Variants in PCDHA8 observed in about 807,000 individuals in gnomAD.
The protein encoded by PCDHA8 is protocadherin alpha 8, also known as protocadherin alpha-8.
In PCDHA8, 53 loss-of-function variants were observed where a neutral mutation model predicts 61.8. The ratio of observed to expected loss-of-function variants is 0.86; its 90% CI spans 0.69 to 1.08. The LOEUF is 1.08. Among genes scored for constraint, PCDHA8 ranks in the 50% least tolerant of loss-of-function variants. The pLI, the probability that PCDHA8 is intolerant of heterozygous loss-of-function variation, is 0.00. For synonymous variants in PCDHA8, 618 were observed against 556.6 expected (o/e 1.11, Z -1.55); for missense variants, 1,293 against 1,245.0 (o/e 1.04, Z -0.58).
At chr5:140,972,983 AGATTCTGTGCATTTGT>A (rs1169514447) in intron 1 of PCDHA8, among the ~76,000 whole-genome samples, 1 of 152,102 alleles carries the variant, frequency 6.6e-6, no homozygotes, top group Admixed American at 6.6e-5. Flanking sequence ...ATCTTAAGGT[AGATTCTGTGCATTTGT>A]GGTCGTGGTG....
At chr5:140,955,684 G>A (rs1231376434) in intron 1 of PCDHA8, among the ~76,000 whole-genome samples, 2 of 152,156 alleles carry the variant, frequency 1.3e-5, no homozygotes, top group African/African-American at 4.8e-5. Flanking sequence ...TTCGAAATCT[G>A]TGATGAATGT....
At position 140,976,656 on chromosome 5, in the gene PCDHA8, C is replaced by T. The variant is rs551402825; in HGVS notation, c.2395-2293C>T. ...AATCAGACAAGTAATTTAATCTCTC[C>T]AAAGTTCAGATGTCTCATTTTTGCA... is the stretch of plus-strand genomic sequence containing the variant. On this transcript the variant is annotated intron_variant, in intron 1 of 3. Transcript: ENST00000531613. Among the ~76,000 whole-genome samples the T allele has an allele frequency of 3.3e-5, 5 of 152,272 alleles. No homozygotes were observed. The South Asian group carries it at 1.0e-3, about 32-fold the overall frequency.
chr5:141,011,084 C>A lies in PCDHA8; in HGVS notation c.*1147C>A, dbSNP rs928216799. Reference sequence around the variant, plus strand: ...CATGTATTACTAAATAAAATGATCTCTCTTTCTCTCTCTCTCTCTCTTTTC... The same window carrying A: ...CATGTATTACTAAATAAAATGATCTATCTTTCTCTCTCTCTCTCTCTTTTC... On this transcript the variant is annotated 3_prime_UTR_variant, in exon 4 of 4. Transcript: ENST00000531613. 1.3e-5 allele frequency: 2 copies of A among 153,722 alleles called. No individual in the cohort carries two copies. The highest frequency in any genetic ancestry group is 2.9e-5 in the Non-Finnish European group (2 of 68,048). The allele number at this position is 153,722 out of a possible 1,614,324, so 9.5% of individuals were successfully genotyped here.
At chr5:140,922,815 C>G (rs2081002299) in intron 1 of PCDHA8, among the ~76,000 whole-genome samples, 2 of 152,158 alleles carry the variant, frequency 1.3e-5, no homozygotes, top group Non-Finnish European at 2.9e-5. Context: ...AAAGGAGATA[C>G]AGCATACTGC....
At chr5:140,966,470 T>G (rs782674249) in intron 1 of PCDHA8, 26 of 431,180 alleles carry the variant, frequency 6.0e-5, no homozygotes, top group Non-Finnish European at 9.3e-5. Context: ...TCTTCCCTTC[T>G]GTTTCCTTTT....
intron 1 of PCDHA8, chr5:140,848,665 C>A (rs1428126460): frequency 4.4e-6 from 7 of 1,592,108 alleles, no homozygotes; most frequent in Non-Finnish European, 5.2e-6. Flanking sequence ...CTGGAGCTGG[C>A]GGAGCTGGTG....
At chr5:140,903,608 C>G (rs2070424862) in intron 1 of PCDHA8, among the ~76,000 whole-genome samples, 1 of 152,124 alleles carries the variant, frequency 6.6e-6, no homozygotes, top group African/African-American at 2.4e-5. Flanking sequence ...GCTTAATACA[C>G]ATGAATGTGC....
intron 1 of PCDHA8, chr5:140,850,823 TTC>T (rs1310925868): frequency 6.3e-7 from 1 of 1,598,142 alleles, no homozygotes; most frequent in African/African-American, 1.3e-5. Flanking sequence ...GCCCGGGCCT[TTC>T]TCCTTGTGCT....
intron 1 of PCDHA8, chr5:140,969,200 G>C (rs2096305926): frequency 1.2e-6 from 2 of 1,614,132 alleles, no homozygotes; most frequent in Non-Finnish European, 1.7e-6. Flanking sequence ...TTACAATACA[G>C]GGGCCCAGAC....
intron 1 of PCDHA8, among the ~76,000 whole-genome samples, chr5:140,923,228 C>A (rs2338302): frequency 1.4e-5 from 1 of 71,808 alleles, no homozygotes; most frequent in South Asian, 4.8e-4. Context: ...TCGTTTGAGC[C>A]CAGAAGTTTG....
chr5:140,862,714 G>C, intron 1 of PCDHA8: 1 of 562,754 alleles, frequency 1.8e-6, no homozygotes, highest in South Asian at 1.4e-5. Flanking sequence ...GCGGGTGGGC[G>C]AGTGCGCGCT....
chr5:140,971,019 G>A (rs908442935), intron 1 of PCDHA8, among the ~76,000 whole-genome samples: 2 of 152,174 alleles, frequency 1.3e-5, no homozygotes, highest in African/African-American at 2.4e-5. Flanking sequence ...TCTTTAGATC[G>A]TAGCATTTGA....
chr5:140,862,813 T>C lies in PCDHA8; in HGVS notation c.2394+19098T>C. 2 of 571,594 alleles carry C rather than the reference T, an allele frequency of 3.5e-6. 1 individual carries two copies. Among genetic ancestry groups the C allele is most frequent in the Non-Finnish European group, 6.7e-6 (2 of 297,160 alleles). The allele number at this position is 571,594 out of a possible 1,614,324, so 35.4% of individuals were successfully genotyped here. On this transcript the variant is annotated intron_variant, in intron 1 of 3. Coordinates refer to ENST00000531613, the MANE Select transcript of PCDHA8 (RefSeq NM_018911.3). ...CGAGGAGCTGGAGCTGCTGCAGTTC[T>C]AGGTGAGAGCGCGCGACGCGGGCAT... is the stretch of plus-strand genomic sequence containing the variant.
chr5:140,923,527 C>T (rs2081405445), intron 1 of PCDHA8, among the ~76,000 whole-genome samples: 1 of 151,652 alleles, frequency 6.6e-6, no homozygotes, highest in South Asian at 2.1e-4. Context: ...AGATTCTGTC[C>T]CAAAAAAAGG....
intron 1 of PCDHA8, among the ~76,000 whole-genome samples, chr5:140,942,118 A>C (rs554488765): frequency 1.3e-5 from 2 of 152,360 alleles, no homozygotes; most frequent in East Asian, 3.9e-4. Flanking sequence ...AAACTTTATT[A>C]AAGGTGATAT....
chr5:140,875,352 T>C lies in PCDHA8; in HGVS notation c.2394+31637T>C, dbSNP rs563345056. ...AATAGGATCGACTCCATAATGACTGTGATGCTGGAAAAAATTTACTAAATA... is the reference window on the plus strand; with the variant it reads ...AATAGGATCGACTCCATAATGACTGCGATGCTGGAAAAAATTTACTAAATA... On this transcript the variant is annotated intron_variant, in intron 1 of 3. Transcript: ENST00000531613. 15 of 1,445,236 alleles carry C rather than the reference T, an allele frequency of 1.0e-5. No individual in the cohort carries two copies. In the African/African-American group the frequency reaches 1.9e-4, roughly 18 times the overall value. The allele number at this position is 1,445,236 out of a possible 1,614,324, so 89.5% of individuals were successfully genotyped here.
At chr5:140,864,945 C>A (rs2048665503) in intron 1 of PCDHA8, 1 of 152,120 alleles carries the variant, frequency 6.6e-6, no homozygotes, top group African/African-American at 2.4e-5. Flanking sequence ...GGCCTGTAAT[C>A]CCAGCATTTT....
At chr5:140,978,048 C>T (rs2096787371) in intron 1 of PCDHA8, among the ~76,000 whole-genome samples, 1 of 152,146 alleles carries the variant, frequency 6.6e-6, no homozygotes, top group African/African-American at 2.4e-5. Flanking sequence ...GTGATGGTGA[C>T]TGATGATGTC....
At chr5:140,867,198 C>A (rs1286853388) in intron 1 of PCDHA8, 1 of 152,110 alleles carries the variant, frequency 6.6e-6, no homozygotes, top group East Asian at 1.9e-4. Flanking sequence ...ACTCCACATT[C>A]CATGTAACAT....
Sources: gnomAD v4.1 joint callset for allele counts (sites outside exome capture counted in the v4.1 genomes callset) on GRCh38, gnomAD v4.1.1 for gene constraint, MANE v1.5 for transcripts, NCBI Gene and HGNC (gene_info 2026-07-23, HGNC 2026-07-21) for gene names.